COL4A1: variants seen among roughly 807,000 people sequenced by gnomAD.
The protein encoded by COL4A1 is collagen type IV alpha 1 chain.
COL4A1 carries 40 observed loss-of-function variants against 216.6 expected under a neutral mutation model. The ratio of observed to expected loss-of-function variants is 0.18; its 90% CI spans 0.14 to 0.24. The LOEUF is 0.24. COL4A1 is among the 10% of genes least tolerant of loss of function. The probability of loss-of-function intolerance (pLI) is 1.00; values close to 1 mark genes in which losing one functional copy is unlikely to be tolerated. For synonymous variants in COL4A1, 839 were observed against 810.7 expected, an observed-to-expected ratio of 1.03 and a Z score of -0.59; for missense variants, 1,628 against 2,196.8, an observed-to-expected ratio of 0.74 and a Z score of 5.18.
chr13:110,232,378 G>A (rs971018550), intron 2 of COL4A1, among the ~76,000 whole-genome samples: 13 of 152,156 alleles, frequency 8.5e-5, no homozygotes, highest in African/African-American at 3.1e-4. Context: ...CCATTTTTGA[G>A]CGTGCAGTTC....
At chr13:110,203,854 C>A (rs909588006) in intron 17 of COL4A1, among the ~76,000 whole-genome samples, 1 of 152,202 alleles carries the variant, frequency 6.6e-6, no homozygotes, top group Non-Finnish European at 1.5e-5. Flanking sequence ...GCTAATTATT[C>A]TCCTTACAAA....
intron 45 of COL4A1, among the ~76,000 whole-genome samples, chr13:110,165,263 T>C (rs1282180506): frequency 6.6e-6 from 1 of 152,150 alleles, no homozygotes; most frequent in Non-Finnish European, 1.5e-5. Flanking sequence ...CCCTGACAAC[T>C]GCCCTGCAGC....
intron 2 of COL4A1, among the ~76,000 whole-genome samples, chr13:110,233,658 C>T (rs1433557119): frequency 2.0e-5 from 3 of 152,150 alleles, no homozygotes; most frequent in Non-Finnish European, 4.4e-5. Flanking sequence ...AAAGGAGAGT[C>T]GTTTTCCTCA....
chr13:110,216,935 C>T (rs1219811437), intron 2 of COL4A1, among the ~76,000 whole-genome samples: 1 of 152,152 alleles, frequency 6.6e-6, no homozygotes, highest in African/African-American at 2.4e-5. Flanking sequence ...TTGCTTTTAC[C>T]GCAAGAACAC....
At chr13:110,160,777 C>CAGTTCACT (rs1175717649) in intron 49 of COL4A1, among the ~76,000 whole-genome samples, 5 of 152,156 alleles carry the variant, frequency 3.3e-5, no homozygotes, top group Non-Finnish European at 1.5e-5. Flanking sequence ...GGTGTGGTCT[C>CAGTTCACT]AGTTCACTAC....
At chr13:110,267,570 C>T (rs1412793653) in intron 1 of COL4A1, among the ~76,000 whole-genome samples, 2 of 152,122 alleles carry the variant, frequency 1.3e-5, no homozygotes, top group African/African-American at 4.8e-5. Context: ...AGTAAGCTCC[C>T]CTTATCCAAG....
chr13:110,213,012 C>T (rs1421140095), intron 4 of COL4A1, among the ~76,000 whole-genome samples: 1 of 152,040 alleles, frequency 6.6e-6, no homozygotes, highest in African/African-American at 2.4e-5. Flanking sequence ...TGAAGTAACC[C>T]AGGAATGGGA....
At chr13:110,169,453 CAAGAAAGA>C (rs3832902) in intron 43 of COL4A1, among the ~76,000 whole-genome samples, 168 bp downstream of exon 43, 1 of 149,928 alleles carries the variant, frequency 6.7e-6, no homozygotes, top group East Asian at 2.0e-4. Context: ...GGGTTACTGG[CAAGAAAGA>C]AAGAAAGAAC....
In COL4A1 at chr13:110,263,637, A is replaced by C. The variant is rs1348993218; in HGVS notation, c.85-20903T>G. Among the ~76,000 whole-genome samples the C allele has an allele frequency of 4.6e-5, 7 of 152,160 alleles. No individual in the cohort carries two copies. In the East Asian group the frequency reaches 1.3e-3, roughly 29 times the overall value. The stretch of plus-strand genomic sequence containing the variant: ...CCCAGCTCCTGTGTTTATTTTTATC[A>C]TCAAAATGGAATTTGATGCTATCTT... On this transcript the variant is annotated intron_variant, in intron 1 of 51. Transcript: ENST00000375820.
At chr13:110,204,757 GACTGTGGACCCCAATATT>G (rs1256721925) in intron 17 of COL4A1, among the ~76,000 whole-genome samples, 6 of 151,780 alleles carry the variant, frequency 4.0e-5, no homozygotes, top group Non-Finnish European at 5.9e-5. Context: ...ACAAGTGTCT[GACTGTGGACCCCAATATT>G]ACGCTTTTAG....
At chr13:110,277,064 G>A (rs1042956253) in intron 1 of COL4A1, among the ~76,000 whole-genome samples, 4 of 152,160 alleles carry the variant, frequency 2.6e-5, no homozygotes, top group Admixed American at 2.6e-4. Flanking sequence ...AGACATCTGG[G>A]TTTTTGAACT....
chr13:110,259,897 C>T (rs958209439), intron 1 of COL4A1, among the ~76,000 whole-genome samples: 2 of 151,708 alleles, frequency 1.3e-5, no homozygotes, highest in African/African-American at 4.8e-5. Context: ...AGTAGGGCCA[C>T]AGCCAAAATA....
intron 45 of COL4A1, 113 bp downstream of exon 45, chr13:110,166,119 T>G: frequency 1.3e-6 from 1 of 779,940 alleles, no homozygotes; most frequent in Non-Finnish European, 2.4e-6. Flanking sequence ...TTTTTAATGA[T>G]TTTTGAGTCA....
chr13:110,174,392 C>T (rs1399160908), intron 39 of COL4A1, 54 bp downstream of exon 39: 5 of 1,597,786 alleles, frequency 3.1e-6, no homozygotes, highest in Non-Finnish European at 4.3e-6. Flanking sequence ...GCCTCCCATC[C>T]CCTGGCCACT....
chr13:110,252,721 A>C (rs1052070788), intron 1 of COL4A1, among the ~76,000 whole-genome samples: 1 of 50,684 alleles, frequency 2.0e-5, no homozygotes, highest in Non-Finnish European at 3.9e-5. Flanking sequence ...TATTATACAT[A>C]TAATTATAAG....
chr13:110,265,072 C>A (rs944105970), intron 1 of COL4A1, among the ~76,000 whole-genome samples: 1 of 152,226 alleles, frequency 6.6e-6, no homozygotes, highest in African/African-American at 2.4e-5. Flanking sequence ...CATCGATCGG[C>A]CTTGACTGCT....
chr13:110,155,924 T>A (rs920437505), intron 49 of COL4A1, among the ~76,000 whole-genome samples: 1 of 151,648 alleles, frequency 6.6e-6, no homozygotes, highest in Admixed American at 6.6e-5. Context: ...AAAAAAAAAT[T>A]AGAGCAGGAC....
rs1020583793 is a variant in COL4A1 at position 110,162,420 on chromosome 13, T to G, written c.4272A>C (p.Pro1424=). The G allele has an allele frequency of 1.9e-6, 3 of 1,614,018 alleles. No homozygotes were observed. The highest frequency in any genetic ancestry group is 2.5e-6 in the Non-Finnish European group (3 of 1,179,996). The change falls in exon 48 of 52, where the codon CCA becomes CCC. Residue 1424 remains proline, a synonymous_variant. Coordinates refer to ENST00000375820, the MANE Select transcript of COL4A1 (RefSeq NM_001845.6). ...ATCCTGGCAACCCATCGGGGCCTGG[T>G]GGACCTGGAAATCCTCTTGGACCTG... ...GPTGPRGFPG[P]PGPDGLPGSM... is the part of the protein sequence containing the mutation.
At chr13:110,244,825 A>G (rs1408913558) in intron 1 of COL4A1, among the ~76,000 whole-genome samples, 6 of 152,174 alleles carry the variant, frequency 3.9e-5, no homozygotes, top group Admixed American at 1.3e-4. Flanking sequence ...GACGACACCA[A>G]TTGTAAAACC....
Sources: gnomAD v4.1 joint callset for allele counts (sites outside exome capture counted in the v4.1 genomes callset) on GRCh38, gnomAD v4.1.1 for gene constraint, MANE v1.5 for transcripts, NCBI Gene and HGNC (gene_info 2026-07-23, HGNC 2026-07-21) for gene names.